ZFYVE9: variants seen among roughly 807,000 people sequenced by gnomAD.
ZFYVE9 encodes the protein zinc finger FYVE-type containing 9.
In ZFYVE9, 43 loss-of-function variants were observed where a neutral mutation model predicts 126.7. That is an observed-to-expected ratio of 0.34 (90% CI 0.27 to 0.44). ZFYVE9 has a LOEUF of 0.44. Ranked by LOEUF, ZFYVE9 falls within the 20% of genes least tolerant of loss-of-function variation. The pLI, the probability that ZFYVE9 is intolerant of heterozygous loss-of-function variation, is 1.00. For synonymous variants in ZFYVE9, 521 were observed against 597.4 expected (o/e 0.87, Z 1.87); for missense variants, 1,476 against 1,697.0 (o/e 0.87, Z 2.29).
Position 52,332,329 on chromosome 1 carries a change from CAT to C in ZFYVE9, c.3439-436_3439-435del, listed in dbSNP as rs1218946578. 4.6e-5 allele frequency among the ~76,000 whole-genome samples: 7 copies of C among 152,022 alleles called. No homozygotes were observed. In the South Asian group the frequency reaches 6.2e-4, roughly 14 times the overall value. ...TAAAATTAAGAAACAATTTGAATTT[CAT>C]ATGTTTTTAGAGGGAAGTTCACTCC... On this transcript the variant is annotated intron_variant, in intron 13 of 18. Coordinates refer to ENST00000287727, the MANE Select transcript of ZFYVE9 (RefSeq NM_004799.4).
chr1:52,345,021 A>G (rs1646471683), intron 18 of ZFYVE9, 77 bp downstream of exon 18: 1 of 1,513,432 alleles, frequency 6.6e-7, no homozygotes, highest in Admixed American at 1.7e-5. Context: ...TTTCTGCATC[A>G]CCCCAGAGAG....
intron 13 of ZFYVE9, among the ~76,000 whole-genome samples, chr1:52,326,563 C>T (rs982496761): frequency 5.3e-5 from 8 of 151,842 alleles, no homozygotes; most frequent in Admixed American, 6.6e-5. Flanking sequence ...TACTGTTGGT[C>T]GAAGGCCAGG....
intron 10 of ZFYVE9, among the ~76,000 whole-genome samples, chr1:52,288,103 TTTC>T (rs1245971475): frequency 6.6e-6 from 1 of 152,226 alleles, no homozygotes; most frequent in Non-Finnish European, 1.5e-5. Flanking sequence ...CACTATTTTA[TTTC>T]TTCTTAAGTA....
Position 52,238,474 on chromosome 1 carries a change from A to G in ZFYVE9, c.1057A>G (p.Asn353Asp), listed in dbSNP as rs750806873. Residue 353 changes from asparagine to aspartate, a missense_variant, in exon 4 of 19, where the codon AAT becomes GAT. Physicochemically the swap from Asn to Asp is conservative, Grantham distance 23. Transcript: ENST00000287727. ...CATGCCTAATGGGTCTGGAAGGAAT[A>G]ATGACTGTGAACGGTGTTCAGATTG... is the stretch of plus-strand genomic sequence containing the variant. ...PDMPNGSGRN[N>D]DCERCSDCLV... 1.6e-5 allele frequency: 26 copies of G among 1,614,104 alleles called. No homozygotes were observed. Among genetic ancestry groups the G allele is most frequent in the Non-Finnish European group, 2.2e-5 (26 of 1,179,968 alleles).
At chr1:52,258,402 T>A (rs888287829) in intron 4 of ZFYVE9, among the ~76,000 whole-genome samples, 4 of 152,178 alleles carry the variant, frequency 2.6e-5, no homozygotes, top group African/African-American at 9.7e-5. Flanking sequence ...TTTTTAGTTG[T>A]CAGAATGACT....
intron 1 of ZFYVE9, among the ~76,000 whole-genome samples, chr1:52,146,018 C>A (rs1170752961): frequency 9.0e-6 from 1 of 111,408 alleles, no homozygotes; most frequent in Non-Finnish European, 1.8e-5. Context: ...AGCCAAGGCT[C>A]AAAAATATCC....
At chr1:52,180,906 C>T (rs182192057) in intron 1 of ZFYVE9, among the ~76,000 whole-genome samples, 5 of 131,768 alleles carry the variant, frequency 3.8e-5, no homozygotes, top group African/African-American at 5.8e-5. Flanking sequence ...ACCTGGGAGG[C>T]GGAGGTTGCA....
At chr1:52,345,262 C>T (rs527489068) in intron 18 of ZFYVE9, among the ~76,000 whole-genome samples, 20 of 152,148 alleles carry the variant, frequency 1.3e-4, no homozygotes, top group Non-Finnish European at 2.9e-4. Context: ...ATTGCCAGAC[C>T]TCTCTGTTCC....
intron 1 of ZFYVE9, among the ~76,000 whole-genome samples, chr1:52,184,213 A>T (rs915080503): frequency 8.5e-5 from 12 of 140,948 alleles, no homozygotes; most frequent in Non-Finnish European, 1.2e-4. Flanking sequence ...ATATATATTT[A>T]TATATATAGA....
chr1:52,331,474 C>T (rs909203309), intron 13 of ZFYVE9, among the ~76,000 whole-genome samples: 56 of 149,668 alleles, frequency 3.7e-4, no homozygotes, highest in African/African-American at 1.2e-3. Flanking sequence ...AAGTGTCGGC[C>T]GGGTGCAGTG....
intron 1 of ZFYVE9, among the ~76,000 whole-genome samples, chr1:52,156,209 T>C (rs1271547448): frequency 6.6e-6 from 1 of 152,244 alleles, no homozygotes; most frequent in Non-Finnish European, 1.5e-5. Flanking sequence ...AAGGAACTTA[T>C]TTGCCATATA....
At chr1:52,242,423 A>G (rs1318180151) in intron 4 of ZFYVE9, among the ~76,000 whole-genome samples, 2 of 152,186 alleles carry the variant, frequency 1.3e-5, no homozygotes, top group Admixed American at 6.6e-5. Flanking sequence ...GATGAGGGTA[A>G]GGATTTTTTC....
intron 2 of ZFYVE9, 121 bp downstream of exon 2, chr1:52,216,595 C>T (rs1645073962): frequency 5.1e-6 from 2 of 394,918 alleles, no homozygotes; most frequent in East Asian, 7.2e-5. Flanking sequence ...CTTATTAAAT[C>T]AGGAGTATGC....
rs1435553712 is a variant in ZFYVE9 at position 52,238,829 on chromosome 1, C to G, written c.1412C>G (p.Ala471Gly). The change falls in exon 4 of 19, where the codon GCA becomes GGA. Residue 471 changes from alanine (A) to glycine (G), a missense_variant. Physicochemically the swap from Ala to Gly is moderately conservative, Grantham distance 60 (BLOSUM62 0). Around this residue, in one of 2 missense-constraint regions of ZFYVE9, gnomAD observed 807 missense variants for 794.6 expected, o/e 1.02. Coordinates refer to ENST00000287727, the MANE Select transcript of ZFYVE9 (RefSeq NM_004799.4). ...DFSTVIDTPA[A>G]NYLSNGCDSY... ...TCCACTGTTATAGACACACCAGCAG[C>G]AAATTATCTATCTAATGGTTGTGAT... is the stretch of plus-strand genomic sequence containing the variant. 6.2e-7 allele frequency: 1 copy of G among 1,614,046 alleles called. No individual in the cohort carries two copies.
At chr1:52,258,476 A>G (rs1343308082) in intron 4 of ZFYVE9, among the ~76,000 whole-genome samples, 1 of 141,888 alleles carries the variant, frequency 7.0e-6, no homozygotes, top group Admixed American at 7.0e-5. Flanking sequence ...TGCTATGCCC[A>G]GGACAGTACT....
chr1:52,160,008 A>G (rs1644441356), intron 1 of ZFYVE9, among the ~76,000 whole-genome samples: 1 of 151,022 alleles, frequency 6.6e-6, no homozygotes, highest in African/African-American at 2.4e-5. Flanking sequence ...TTTTTTTGGT[A>G]GAAATTACTT....
At chr1:52,227,137 G>T (rs1031962932) in intron 2 of ZFYVE9, among the ~76,000 whole-genome samples, 1 of 152,250 alleles carries the variant, frequency 6.6e-6, no homozygotes, top group African/African-American at 2.4e-5. Context: ...CATGTAAGCT[G>T]TAAGGAAAGG....
chr1:52,292,232 A>G (rs1286406561), intron 10 of ZFYVE9, among the ~76,000 whole-genome samples: 3 of 149,900 alleles, frequency 2.0e-5, no homozygotes, highest in Non-Finnish European at 3.0e-5. Context: ...GCATTGAGCC[A>G]AGATCACACC....
intron 4 of ZFYVE9, among the ~76,000 whole-genome samples, chr1:52,259,528 C>T (rs1191302103): frequency 6.6e-6 from 1 of 151,696 alleles, no homozygotes; most frequent in Non-Finnish European, 1.5e-5. Context: ...TGGCTCATGC[C>T]TGTAATCCCA....
Sources: gnomAD v4.1 joint callset for allele counts (sites outside exome capture counted in the v4.1 genomes callset) on GRCh38, gnomAD v4.1.1 for gene constraint, gnomAD v4.1.1 regional missense constraint, MANE v1.5 for transcripts, NCBI Gene and HGNC (gene_info 2026-07-23, HGNC 2026-07-21) for gene names.